The following LHFPL6 variants were observed in gnomAD, a reference collection of about 807,000 sequenced individuals.
The protein encoded by LHFPL6 is LHFPL tetraspan subfamily member 6 protein.
Under a neutral mutation model 20.6 loss-of-function variants are expected in LHFPL6, and 9 were observed. The observed-to-expected ratio is 0.44, with a 90% CI of 0.26 to 0.76. The LOEUF is 0.76. Ranked by LOEUF, LHFPL6 falls within the 30% of genes least tolerant of loss-of-function variation. The pLI, the probability that LHFPL6 is intolerant of heterozygous loss-of-function variation, is 0.20. For synonymous variants in LHFPL6, 105 were observed against 98.7 expected, an observed-to-expected ratio of 1.06 and a Z score of -0.38; for missense variants, 218 against 253.5, an observed-to-expected ratio of 0.86 and a Z score of 0.95.
chr13:39,404,709 C>G (rs909193571), intron 2 of LHFPL6, among the ~76,000 whole-genome samples: 7 of 152,168 alleles, frequency 4.6e-5, no homozygotes, highest in African/African-American at 1.7e-4. Flanking sequence ...AGCTCCATCT[C>G]ATAGCTTTCT....
In LHFPL6 at chr13:39,464,864, T is replaced by C. The variant is rs565111035; in HGVS notation, c.386-86338A>G. Among the ~76,000 whole-genome samples the C allele has an allele frequency of 4.6e-5, 7 of 152,288 alleles. No individual in the cohort carries two copies. The South Asian group carries it at 1.4e-3, about 32-fold the overall frequency. On this transcript the variant is annotated intron_variant, in intron 2 of 3. Transcript: ENST00000379589. ...TGGGGGAAAATATGGCCTTAACTGT[T>C]ATTCAGGTTAATTATACTGCAATGA...
rs2138330343 is a variant in LHFPL6 at position 39,343,859 on chromosome 13, G to A, written c.*77C>T. 1.0e-6 allele frequency: 1 copy of A among 991,706 alleles called. No individual in the cohort carries two copies. The highest frequency in any genetic ancestry group is 2.4e-5 in the East Asian group (1 of 40,872). The allele number at this position is 991,706 out of a possible 1,614,324, so 61.4% of individuals were successfully genotyped here. On this transcript the variant is annotated 3_prime_UTR_variant, in exon 4 of 4. Coordinates refer to ENST00000379589, the MANE Select transcript of LHFPL6 (RefSeq NM_005780.3). The stretch of plus-strand genomic sequence containing the variant: ...GATTAGAACTACTATCCCACCTTTT[G>A]AAGGTAGGTGGATGTTTTGACCTCT...
intron 2 of LHFPL6, among the ~76,000 whole-genome samples, chr13:39,420,935 A>G (rs1413763403): frequency 6.6e-6 from 1 of 152,186 alleles, no homozygotes; most frequent in Non-Finnish European, 1.5e-5. Context: ...CAGCAATATC[A>G]TATCTTTAGG....
intron 2 of LHFPL6, among the ~76,000 whole-genome samples, chr13:39,578,177 G>C (rs971048426): frequency 6.6e-6 from 1 of 152,078 alleles, no homozygotes; most frequent in Admixed American, 6.6e-5. Flanking sequence ...TCCAGGAAAA[G>C]AGCAACCAAG....
At chr13:39,357,815 A>G (rs1017102900) in intron 3 of LHFPL6, among the ~76,000 whole-genome samples, 2 of 152,212 alleles carry the variant, frequency 1.3e-5, no homozygotes, top group African/African-American at 2.4e-5. Context: ...TACAAAAAGA[A>G]CTACAAAATA....
intron 2 of LHFPL6, among the ~76,000 whole-genome samples, chr13:39,409,519 C>A (rs887451296): frequency 6.6e-6 from 1 of 152,096 alleles, no homozygotes; most frequent in African/African-American, 2.4e-5. Flanking sequence ...CGCATGACCA[C>A]CACTGATAGG....
chr13:39,500,252 A>T (rs1869247627), intron 2 of LHFPL6, among the ~76,000 whole-genome samples: 1 of 151,900 alleles, frequency 6.6e-6, no homozygotes, highest in East Asian at 1.9e-4. Context: ...CCCAGGCTGG[A>T]GTGCAGTGGT....
chr13:39,432,733 C>T (rs568284905), intron 2 of LHFPL6, among the ~76,000 whole-genome samples: 2 of 152,256 alleles, frequency 1.3e-5, no homozygotes, highest in Non-Finnish European at 2.9e-5. Flanking sequence ...ACTCCACTCC[C>T]AAAATGTAAG....
chr13:39,581,116 T>C (rs1037805791), intron 2 of LHFPL6, among the ~76,000 whole-genome samples: 2 of 152,114 alleles, frequency 1.3e-5, no homozygotes, highest in Non-Finnish European at 2.9e-5. Context: ...ACAGAAACAA[T>C]CTGCCAAACC....
At chr13:39,391,100 T>C (rs1246298772) in intron 2 of LHFPL6, among the ~76,000 whole-genome samples, 1 of 152,224 alleles carries the variant, frequency 6.6e-6, no homozygotes, top group Non-Finnish European at 1.5e-5. Flanking sequence ...AAGCATATCA[T>C]GCCTTGATAT....
intron 3 of LHFPL6, among the ~76,000 whole-genome samples, chr13:39,356,929 G>T (rs1411105116): frequency 1.3e-5 from 2 of 152,326 alleles, no homozygotes; most frequent in East Asian, 3.9e-4. Context: ...CAGCACTTTG[G>T]AAGGCCAAGG....
intron 3 of LHFPL6, among the ~76,000 whole-genome samples, chr13:39,369,823 A>G (rs1382751173): frequency 1.3e-5 from 2 of 152,086 alleles, no homozygotes; most frequent in Admixed American, 1.3e-4. Context: ...CAAGCTAGGC[A>G]CCGAAGTTGA....
chr13:39,544,322 C>A (rs1165581181), intron 2 of LHFPL6, among the ~76,000 whole-genome samples: 1 of 152,198 alleles, frequency 6.6e-6, no homozygotes, highest in African/African-American at 2.4e-5. Context: ...TCTCTGAATT[C>A]ATGAGCAGGA....
chr13:39,468,910 T>C (rs552405565), intron 2 of LHFPL6, among the ~76,000 whole-genome samples: 3 of 152,068 alleles, frequency 2.0e-5, no homozygotes, highest in African/African-American at 7.2e-5. Flanking sequence ...GTATCAGGTT[T>C]GAATTGCAAC....
chr13:39,583,561 T>C (rs1872354845), intron 2 of LHFPL6, among the ~76,000 whole-genome samples: 1 of 152,144 alleles, frequency 6.6e-6, no homozygotes, highest in African/African-American at 2.4e-5. Flanking sequence ...TGTAGAGAAA[T>C]TCCAGAATGA....
At chr13:39,443,500 A>C (rs1201111248) in intron 2 of LHFPL6, among the ~76,000 whole-genome samples, 1 of 152,128 alleles carries the variant, frequency 6.6e-6, no homozygotes, top group Non-Finnish European at 1.5e-5. Flanking sequence ...AGGCTGGAAA[A>C]ATTTGGAGCA....
chr13:39,469,643 A>G (rs1351258344), intron 2 of LHFPL6, among the ~76,000 whole-genome samples: 1 of 152,248 alleles, frequency 6.6e-6, no homozygotes, highest in Non-Finnish European at 1.5e-5. Flanking sequence ...CTCTGTCTTT[A>G]GAAGGCCAGA....
intron 3 of LHFPL6, among the ~76,000 whole-genome samples, chr13:39,352,093 A>G (rs948706692): frequency 6.6e-6 from 1 of 152,242 alleles, no homozygotes; most frequent in African/African-American, 2.4e-5. Context: ...GACAGCCCCA[A>G]TTCCTGAGGC....
Position 39,443,752 on chromosome 13 carries a change from G to T in LHFPL6, c.386-65226C>A, listed in dbSNP as rs139057001. Among the ~76,000 whole-genome samples the T allele has an allele frequency of 5.9e-3, 891 of 151,784 alleles. 4 individuals are homozygous for T. The highest frequency in any genetic ancestry group is 0.01 in the Middle Eastern group (3 of 294). On this transcript the variant is annotated intron_variant, in intron 2 of 3. Transcript: ENST00000379589. ...AAACAATTTTTTTTACTTTATGATG[G>T]TGTGAAAGTAATACGCATTCAATAG...
Sources: gnomAD v4.1 joint callset for allele counts (sites outside exome capture counted in the v4.1 genomes callset) on GRCh38, gnomAD v4.1.1 for gene constraint, MANE v1.5 for transcripts, NCBI Gene and HGNC (gene_info 2026-07-23, HGNC 2026-07-21) for gene names.